Variants in KLC4 observed in about 807,000 individuals in gnomAD.
KLC4 encodes the protein kinesin light chain 4.
Under a neutral mutation model 77.2 loss-of-function variants are expected in KLC4, and 49 were observed. The observed-to-expected ratio is 0.63, with a 90% CI of 0.50 to 0.80. KLC4 has a LOEUF of 0.80. KLC4 is among the 30% of genes least tolerant of loss of function. KLC4 has a pLI of 0.00. For missense variants in KLC4, 669 were observed against 793.5 expected (o/e 0.84, Z 1.89); for synonymous variants, 274 against 314.5 (o/e 0.87, Z 1.36).
At chr6:43,071,822 CCTT>C (rs1220423451) in intron 10 of KLC4, 27 bp from the exon 11 acceptor site, 1 of 1,605,732 alleles carries the variant, frequency 6.2e-7, no homozygotes, top group African/African-American at 1.3e-5. Flanking sequence ...CTCTCCCTGC[CCTT>C]CTTTCTGGCC....
intron 6 of KLC4, among the ~76,000 whole-genome samples, chr6:43,068,592 G>C (rs1765572759): frequency 6.6e-6 from 1 of 151,962 alleles, no homozygotes; most frequent in South Asian, 2.1e-4. Flanking sequence ...TCGATCACCT[G>C]AGGTCAGGAG....
chr6:43,070,368 CAACA>C lies in KLC4; in HGVS notation c.896_899del (p.Asn299IlefsTer41), dbSNP rs1453504928. On this transcript the variant is annotated frameshift_variant, in exon 7 of 16. Transcript: ENST00000347162. LOFTEE classifies it high-confidence loss of function. ...TGTCTTCATAGGTGGCTGCCACACT[CAACA>C]ATTTGGCTGTGCTCTATGGCAAAAG... The C allele has an allele frequency of 6.2e-7, 1 of 1,613,750 alleles. No individual in the cohort carries two copies. Among genetic ancestry groups the C allele is most frequent in the Non-Finnish European group, 8.5e-7 (1 of 1,179,792 alleles).
intron 4 of KLC4, among the ~76,000 whole-genome samples, chr6:43,066,033 G>C (rs193067662): frequency 1.3e-5 from 2 of 152,210 alleles, no homozygotes; most frequent in African/African-American, 2.4e-5. Context: ...AAAGAACCAG[G>C]TCTTTCTTAC....
chr6:43,072,153 A>G lies in KLC4; in HGVS notation c.1386A>G (p.Thr462=), dbSNP rs1761548607. The part of the protein sequence containing the change: ...WYKACKVSSP[T]VNTTLRNLGA... ...GGTCTCTTTCTCACCACAGCCCCAC[A>G]GTGAACACTACTCTGAGAAACCTGG... Residue 462 remains threonine (T), a synonymous_variant, in exon 12 of 16, where the codon ACA becomes ACG. Transcript: ENST00000347162. The G allele has an allele frequency of 6.2e-7, 1 of 1,613,582 alleles. No homozygotes were observed. The highest frequency in any genetic ancestry group is 8.5e-7 in the Non-Finnish European group (1 of 1,179,546).
intron 6 of KLC4, 113 bp from the exon 7 acceptor site, chr6:43,070,240 TG>T: frequency 3.0e-6 from 2 of 674,426 alleles, no homozygotes; most frequent in Non-Finnish European, 5.2e-6. Context: ...TAGTAGACTT[TG>T]TCTCTTAGAG....
Position 43,059,845 on chromosome 6 carries a change from A to G in KLC4, c.-26+160A>G. The G allele has an allele frequency of 2.6e-6, 3 of 1,166,524 alleles. No homozygotes were observed. In the South Asian group the frequency reaches 7.6e-5, roughly 29 times the overall value. 72.3% of individuals were successfully genotyped at this position (1,166,524 alleles called of 1,614,324 possible). A position where few individuals can be genotyped will look rare whatever the true frequency, so the allele number is the denominator to read the frequency against. On this transcript the variant is annotated intron_variant, in intron 1 of 15. Transcript: ENST00000347162. ...GATTCTTCCCCGCCCCTCGGCGTCC[A>G]GACAGATAGACAGACGACCTGCCCC...
Position 43,068,037 on chromosome 6 carries a change from G to A in KLC4, c.879+954G>A, listed in dbSNP as rs1285855043. ...TGAGGCAGGAGAATGGCGTGAACCC[G>A]GGAGGCGGAGCTTGCAGTGAGCCGA... On this transcript the variant is annotated intron_variant, in intron 6 of 15. Coordinates refer to ENST00000347162, the MANE Select transcript of KLC4 (RefSeq NM_201521.3). Among the ~76,000 whole-genome samples, 19 of 101,516 alleles carry A rather than the reference G, an allele frequency of 1.9e-4. 1 individual carries two copies. The highest frequency in any genetic ancestry group is 0.01 in the Middle Eastern group (2 of 198). 66.6% of individuals were successfully genotyped at this position (101,516 alleles called of 152,430 possible). A position where few individuals can be genotyped will look rare whatever the true frequency, so the allele number is the denominator to read the frequency against.
At chr6:43,063,991 C>A (rs556904748) in intron 3 of KLC4, among the ~76,000 whole-genome samples, 9 of 152,296 alleles carry the variant, frequency 5.9e-5, no homozygotes, top group Non-Finnish European at 1.0e-4. Flanking sequence ...TGTCTGCCAC[C>A]ACACCCGGCT....
chr6:43,060,150 G>C, intron 1 of KLC4: 1 of 1,604,424 alleles, frequency 6.2e-7, no homozygotes, highest in Non-Finnish European at 8.5e-7. Flanking sequence ...CATTGTGGAG[G>C]CACCCTACGG....
chr6:43,071,762 C>G (rs1304273003), intron 10 of KLC4, 90 bp from the exon 11 acceptor site: 2 of 1,495,620 alleles, frequency 1.3e-6, no homozygotes, highest in Non-Finnish European at 1.8e-6. Context: ...AGCCTGCACC[C>G]TAGCCCCATG....
chr6:43,071,279 C>T lies in KLC4; in HGVS notation c.1160C>T (p.Ser387Phe). ...NVARTKNNLA[S>F]CYLKQGKYAE... ...TTTTGCCTTTCTGTCCTCCAGGCTT[C>T]CTGTTACCTGAAACAGGGCAAATAT... The change falls in exon 9 of 16, where the codon TCC becomes TTC. Residue 387 changes from serine (S) to phenylalanine (F), a missense_variant. By Grantham distance (155) the Ser-to-Phe change is radical (BLOSUM62 -2). Coordinates refer to ENST00000347162, the MANE Select transcript of KLC4 (RefSeq NM_201521.3). The T allele has an allele frequency of 1.2e-6, 2 of 1,612,250 alleles. No individual in the cohort carries two copies. The highest frequency in any genetic ancestry group is 1.1e-5 in the South Asian group (1 of 91,038).
intron 6 of KLC4, among the ~76,000 whole-genome samples, chr6:43,067,887 C>T (rs1410994125): frequency 2.7e-5 from 3 of 112,712 alleles, no homozygotes; most frequent in Non-Finnish European, 5.0e-5. Context: ...CCGAGGCGGG[C>T]GGATCACGAG....
In KLC4 at chr6:43,072,801, C is replaced by G. The variant is rs758344979; in HGVS notation, c.1489-23C>G. 3 of 1,612,832 alleles carry G rather than the reference C, an allele frequency of 1.9e-6. No individual in the cohort carries two copies. In the East Asian group the frequency reaches 6.7e-5, roughly 36 times the overall value. ...TGAGGAGTTAAGGAGTAGGAAGTCC[C>G]AGGTCCTTCCTTTTCCTTCCAGGGC... On this transcript the variant is annotated intron_variant, in intron 12 of 15. Coordinates refer to ENST00000347162, the MANE Select transcript of KLC4 (RefSeq NM_201521.3).
chr6:43,065,821 G>C, intron 4 of KLC4, 120 bp downstream of exon 4: 1 of 686,598 alleles, frequency 1.5e-6, no homozygotes, highest in South Asian at 1.7e-5. Context: ...TTTCTCTGGA[G>C]ACAGGGCAGG....
chr6:43,074,104 G>C, intron 15 of KLC4, 139 bp downstream of exon 15: 1 of 645,372 alleles, frequency 1.5e-6, no homozygotes. Flanking sequence ...AGTCATTAAG[G>C]AATCAGGCAG....
At chr6:43,067,929 G>A (rs1319884431) in intron 6 of KLC4, among the ~76,000 whole-genome samples, 3 of 117,790 alleles carry the variant, frequency 2.5e-5, no homozygotes, top group Admixed American at 8.3e-5. Flanking sequence ...TGGCTAAAAC[G>A]GTGAAACCCC....
chr6:43,064,931 G>A (rs985299276), intron 3 of KLC4, among the ~76,000 whole-genome samples: 3 of 152,116 alleles, frequency 2.0e-5, no homozygotes, highest in Non-Finnish European at 2.9e-5. Flanking sequence ...CTGGGTACAT[G>A]TCAATAAGAT....
At chr6:43,074,055 A>G in intron 15 of KLC4, 90 bp downstream of exon 15, 1 of 993,528 alleles carries the variant, frequency 1.0e-6, no homozygotes, top group Admixed American at 2.3e-5. Flanking sequence ...GAGGGAAGGG[A>G]GAGGAGTCAT....
In KLC4 at chr6:43,061,503, G is replaced by A; in HGVS notation, c.168G>A (p.Gln56=). 1 of 1,614,174 alleles carries A rather than the reference G, an allele frequency of 6.2e-7. No homozygotes were observed. The change falls in exon 2 of 16, where the codon CAG becomes CAA. Residue 56 remains glutamine, a synonymous_variant. Transcript: ENST00000347162. ...SLSQTIECLQ[Q]GGHEEGLVHE... is the part of the protein sequence containing the mutation. The stretch of plus-strand genomic sequence containing the variant: ...CCCAGACCATTGAGTGTCTGCAGCA[G>A]GGAGGCCATGAGGAAGGGCTGGTGC...
Sources: allele counts gnomAD v4.1 joint callset (sites outside exome capture counted in the v4.1 genomes callset), GRCh38; gene constraint gnomAD v4.1.1; transcripts MANE v1.5; gene names NCBI Gene and HGNC (gene_info 2026-07-23, HGNC 2026-07-21).